The following TNFSF10 variants were observed in gnomAD, a reference collection of about 807,000 sequenced individuals.
TNFSF10 encodes TNF superfamily member 10, also known as tumor necrosis factor ligand superfamily member 10.
A neutral mutation model predicts 29.5 loss-of-function variants in TNFSF10; 13 were observed. The ratio of observed to expected loss-of-function variants is 0.44; its 90% CI spans 0.29 to 0.70. The LOEUF is 0.70. Ranked by LOEUF, TNFSF10 falls within the 30% of genes least tolerant of loss-of-function variation. TNFSF10 has a pLI of 0.13. For synonymous variants in TNFSF10, 111 were observed against 112.8 expected (o/e 0.98, Z 0.10); for missense variants, 345 against 330.9 (o/e 1.04, Z -0.33).
At position 172,509,341 on chromosome 3, in the gene TNFSF10, G is replaced by C; in HGVS notation, c.314-20C>G. 6.2e-7 allele frequency: 1 copy of C among 1,603,874 alleles called. No individual in the cohort carries two copies. Among genetic ancestry groups the C allele is most frequent in the Non-Finnish European group, 8.5e-7 (1 of 1,172,124 alleles). On this transcript the variant is annotated intron_variant, in intron 3 of 4. Coordinates refer to ENST00000241261, the MANE Select transcript of TNFSF10 (RefSeq NM_003810.4). ...GCTTTTCTAAAAGAGAAATGATAAAGGGTCATCAACACTTGCCAAACTAGT... is the reference window on the plus strand; with the variant it reads ...GCTTTTCTAAAAGAGAAATGATAAACGGTCATCAACACTTGCCAAACTAGT...
At chr3:172,513,659 G>T (rs1319784872) in intron 2 of TNFSF10, among the ~76,000 whole-genome samples, 6 of 152,184 alleles carry the variant, frequency 3.9e-5, no homozygotes, top group South Asian at 2.1e-4. Flanking sequence ...TGGAGAAACA[G>T]ATGCAGAACA....
chr3:172,522,360 A>T (rs1713736478), intron 1 of TNFSF10: 1 of 1,239,736 alleles, frequency 8.1e-7, no homozygotes, highest in African/African-American at 1.5e-5. Flanking sequence ...AGGAAGTATC[A>T]CAGTAACAAG....
intron 1 of TNFSF10, chr3:172,518,367 G>T (rs1287930871): frequency 3.1e-6 from 4 of 1,286,400 alleles, no homozygotes; most frequent in Non-Finnish European, 4.1e-6. Flanking sequence ...GATGGGGCTT[G>T]AGGTCAGCAG....
At chr3:172,507,342 T>C in intron 4 of TNFSF10, 1 of 159,056 alleles carries the variant, frequency 6.3e-6, no homozygotes, top group African/African-American at 2.4e-5. Flanking sequence ...TCTATTTCTT[T>C]AGGCCTAAAT....
At chr3:172,511,310 CTTTG>C (rs1713215281) in intron 3 of TNFSF10, 1 of 219,742 alleles carries the variant, frequency 4.6e-6, no homozygotes, top group Admixed American at 5.8e-5. Flanking sequence ...AAGATGGCTT[CTTTG>C]TAACACATTA....
chr3:172,505,996 A>T lies in TNFSF10; in HGVS notation c.*496T>A, dbSNP rs1462355896. 2.0e-5 allele frequency: 3 copies of T among 153,060 alleles called. No homozygotes were observed. The highest frequency in any genetic ancestry group is 7.2e-5 in the African/African-American group (3 of 41,440). 9.5% of individuals were successfully genotyped at this position (153,060 alleles called of 1,614,324 possible). On this transcript the variant is annotated 3_prime_UTR_variant, in exon 5 of 5. Coordinates refer to ENST00000241261, the MANE Select transcript of TNFSF10 (RefSeq NM_003810.4). ...CACCTTGGGTTCCCAAAATGTTGGG[A>T]TTACAGGTGTGAGCCACTGCACCAG...
chr3:172,518,483 G>T (rs1381343169), intron 1 of TNFSF10: 1 of 1,286,476 alleles, frequency 7.8e-7, no homozygotes, highest in Non-Finnish European at 1.0e-6. Flanking sequence ...TAGCATAAAG[G>T]ATCATTTATG....
chr3:172,514,806 G>T (rs939157270), intron 2 of TNFSF10, 55 bp downstream of exon 2: 11 of 1,594,348 alleles, frequency 6.9e-6, no homozygotes, highest in Middle Eastern at 1.7e-4. Context: ...TTGCTTTAAG[G>T]AATTCTTCTG....
At position 172,513,699 on chromosome 3, in the gene TNFSF10, AAC is replaced by A. The variant is rs1174682630; in HGVS notation, c.270+1160_270+1161del. On this transcript the variant is annotated intron_variant, in intron 2 of 4. Transcript: ENST00000241261. Reference sequence around the variant, plus strand: ...ACAATGGACTTATAAACATGTGTAAAACACATTCTCCTCCTACCCTGGGAATT... The same window carrying A: ...ACAATGGACTTATAAACATGTGTAAAACATTCTCCTCCTACCCTGGGAATT... 4.6e-5 allele frequency among the ~76,000 whole-genome samples: 7 copies of A among 152,320 alleles called. No homozygotes were observed. The South Asian group carries it at 8.3e-4, about 18-fold the overall frequency.
intron 1 of TNFSF10, chr3:172,518,133 G>C: frequency 1.9e-6 from 2 of 1,051,786 alleles, no homozygotes; most frequent in South Asian, 6.0e-5. Flanking sequence ...GCATATCATA[G>C]GCTGAGGCTA....
intron 4 of TNFSF10, chr3:172,507,268 G>C: frequency 4.4e-6 from 1 of 229,010 alleles, no homozygotes; most frequent in Non-Finnish European, 8.4e-6. Flanking sequence ...CCCTGAATCT[G>C]TTCCTCCCGT....
rs1713172349 is a variant in TNFSF10, at chr3:172,510,391, G to T, written c.314-1070C>A. 3.3e-5 allele frequency among the ~76,000 whole-genome samples: 5 copies of T among 151,436 alleles called. No homozygotes were observed. The South Asian group carries it at 1.0e-3, about 32-fold the overall frequency. On this transcript the variant is annotated intron_variant, in intron 3 of 4. Coordinates refer to ENST00000241261, the MANE Select transcript of TNFSF10 (RefSeq NM_003810.4). ...GATTGTTTGAGGCCAGGAAGTTGAG[G>T]CTGCAGTGAGCCATGATCGTACCAC...
intron 1 of TNFSF10, chr3:172,517,702 G>A (rs1283870062): frequency 6.1e-6 from 6 of 984,984 alleles, no homozygotes; most frequent in Non-Finnish European, 7.2e-6. Context: ...ATATAAAAAT[G>A]CTGTGTTCTT....
chr3:172,523,224 G>C (rs17848018), intron 1 of TNFSF10, 29 bp downstream of exon 1: 5 of 1,560,416 alleles, frequency 3.2e-6, no homozygotes, highest in Non-Finnish European at 4.4e-6. Context: ...TAAGCGCCTC[G>C]AAGACTGAGT....
Position 172,523,250 on chromosome 3 carries a change from G to A in TNFSF10, c.132+3C>T, listed in dbSNP as rs774909885. 6.2e-7 allele frequency: 1 copy of A among 1,613,304 alleles called. No individual in the cohort carries two copies. On this transcript the variant is annotated splice_donor_region_variant and intron_variant, in intron 1 of 4. Transcript: ENST00000241261. Reference sequence around the variant, plus strand: ...AAGACTGAGTGCACTGCACTGCACTGACCTGCTTCAGCTCGTTGGTAAAGT... The same window carrying A: ...AAGACTGAGTGCACTGCACTGCACTAACCTGCTTCAGCTCGTTGGTAAAGT...
Position 172,511,632 on chromosome 3 carries a change from T to C in TNFSF10, c.298A>G (p.Ile100Val). The change falls in exon 3 of 5, where the codon ATT (isoleucine) becomes GTT (valine). Residue 100 changes from isoleucine to valine, a missense_variant. Physicochemically the swap from Ile to Val is conservative, Grantham distance 29 (BLOSUM62 3). Coordinates refer to ENST00000241261, the MANE Select transcript of TNFSF10 (RefSeq NM_003810.4). ...KMILRTSEET[I>V]STVQEKQQNI... Reference sequence around the variant, plus strand: ...AAGATACTACCTTGAACTGTAGAAATGGTTTCCTCAGAGGTTCTCAAAATC... The same window carrying C: ...AAGATACTACCTTGAACTGTAGAAACGGTTTCCTCAGAGGTTCTCAAAATC... 3.7e-6 allele frequency: 6 copies of C among 1,611,522 alleles called. No individual in the cohort carries two copies. The highest frequency in any genetic ancestry group is 5.1e-6 in the Non-Finnish European group (6 of 1,179,080).
intron 2 of TNFSF10, among the ~76,000 whole-genome samples, chr3:172,513,494 G>T (rs188535561): frequency 1.8e-4 from 28 of 152,282 alleles, no homozygotes; most frequent in African/African-American, 6.7e-4. Context: ...ATGCCGCCAG[G>T]GCAGCCACAG....
At chr3:172,519,250 G>A (rs1713575023) in intron 1 of TNFSF10, among the ~76,000 whole-genome samples, 1 of 152,136 alleles carries the variant, frequency 6.6e-6, no homozygotes, top group Admixed American at 6.5e-5. Flanking sequence ...ATGTCAATAT[G>A]CAATTAGGAA....
chr3:172,512,748 G>A (rs1414398963), intron 2 of TNFSF10, among the ~76,000 whole-genome samples: 2 of 152,316 alleles, frequency 1.3e-5, no homozygotes, highest in South Asian at 2.1e-4. Context: ...AAGGAAAGAA[G>A]GGGAAGCAAC....
Sources: gnomAD v4.1 joint callset for allele counts (sites outside exome capture counted in the v4.1 genomes callset) on GRCh38, gnomAD v4.1.1 for gene constraint, MANE v1.5 for transcripts, NCBI Gene and HGNC (gene_info 2026-07-23, HGNC 2026-07-21) for gene names.